The following CEP350 variants were observed in gnomAD, a reference collection of about 807,000 sequenced individuals.
CEP350 encodes the protein centrosomal protein 350, also known as centrosome-associated protein 350.
In CEP350, 126 loss-of-function variants were observed where a neutral mutation model predicts 331.8. That is an observed-to-expected ratio of 0.38 (90% CI 0.33 to 0.44). The LOEUF is 0.44. CEP350 is among the 20% of genes least tolerant of loss of function. The probability of loss-of-function intolerance (pLI) is 1.00; values close to 1 mark genes in which losing one functional copy is unlikely to be tolerated. For synonymous variants in CEP350, 1,200 were observed against 1,259.5 expected (o/e 0.95, Z 1.00); for missense variants, 3,406 against 3,634.6 (o/e 0.94, Z 1.62).
intron 32 of CEP350, among the ~76,000 whole-genome samples, 166 bp from the exon 33 acceptor site, chr1:180,090,545 CAAA>C (rs36128628): frequency 1.3e-5 from 1 of 77,378 alleles, no homozygotes; most frequent in African/African-American, 5.5e-5. Flanking sequence ...GACTCCGTCT[CAAA>C]AAAAAAAAAA....
chr1:180,076,778 G>A (rs530465641), intron 28 of CEP350, among the ~76,000 whole-genome samples: 1 of 152,164 alleles, frequency 6.6e-6, no homozygotes, highest in East Asian at 1.9e-4. Context: ...GACAGAGTGA[G>A]ACTCTGTCTC....
At chr1:179,993,002 C>T (rs994747060) in intron 5 of CEP350, among the ~76,000 whole-genome samples, 1 of 150,714 alleles carries the variant, frequency 6.6e-6, no homozygotes, top group African/African-American at 2.4e-5. Context: ...TTTTACATAC[C>T]TTGAGAGATG....
intron 16 of CEP350, among the ~76,000 whole-genome samples, 171 bp downstream of exon 16, chr1:180,034,253 G>A (rs1004971451): frequency 6.6e-6 from 1 of 152,094 alleles, no homozygotes; most frequent in Non-Finnish European, 1.5e-5. Flanking sequence ...AAGCACGAGA[G>A]GTTCAGTAAT....
intron 1 of CEP350, among the ~76,000 whole-genome samples, chr1:179,959,323 G>T (rs757857608): frequency 6.6e-6 from 1 of 152,190 alleles, no homozygotes; most frequent in Non-Finnish European, 1.5e-5. Flanking sequence ...AGGCGTGGTG[G>T]CAGGCCTGTA....
At chr1:180,053,280 A>G (rs954643693) in intron 23 of CEP350, 114 bp downstream of exon 23, 11 of 533,878 alleles carry the variant, frequency 2.1e-5, no homozygotes, top group African/African-American at 1.6e-4. Context: ...TTTTTCTAAG[A>G]TATCAGTTTT....
At chr1:180,005,854 A>G (rs1486249614) in intron 7 of CEP350, among the ~76,000 whole-genome samples, 2 of 152,036 alleles carry the variant, frequency 1.3e-5, no homozygotes, top group Non-Finnish European at 2.9e-5. Context: ...TTTCCACTCT[A>G]CCCAGAATGC....
At chr1:180,025,126 A>G (rs1055840513) in intron 14 of CEP350, among the ~76,000 whole-genome samples, 3 of 152,056 alleles carry the variant, frequency 2.0e-5, no homozygotes, top group East Asian at 3.9e-4. Flanking sequence ...GGGTTTCACC[A>G]TGTTAGCCAG....
At position 180,045,996 on chromosome 1, in the gene CEP350, A is replaced by G. The variant is rs560173894; in HGVS notation, c.4622+1823A>G. Among the ~76,000 whole-genome samples the G allele has an allele frequency of 1.6e-4, 24 of 152,188 alleles. No homozygotes were observed. In the South Asian group the frequency reaches 5.0e-3, roughly 32 times the overall value. On this transcript the variant is annotated intron_variant, in intron 21 of 37. Coordinates refer to ENST00000367607, the MANE Select transcript of CEP350 (RefSeq NM_014810.5). ...TGCATATGATATACCTTCTTTCTAG[A>G]CCATCCCACATCTCATTTCATTTAG...
chr1:180,020,768 A>C lies in CEP350; in HGVS notation c.2994A>C (p.Gly998=). 1 of 1,614,036 alleles carries C rather than the reference A, an allele frequency of 6.2e-7. No homozygotes were observed. The highest frequency in any genetic ancestry group is 1.1e-5 in the South Asian group (1 of 91,084). ...AGGGGAGTCTCTCTGAAGAAGAGGG[A>C]GACCAGGATGGACAGCCCCTTTTGA... is the stretch of plus-strand genomic sequence containing the variant. ...LSEGSLSEEE[G]DQDGQPLLKV... is the part of the protein sequence containing the mutation. The change falls in exon 12 of 38, where the codon GGA becomes GGC. Residue 998 remains glycine (G), a synonymous_variant. Transcript: ENST00000367607.
At chr1:180,042,562 A>G (rs1460549392) in intron 19 of CEP350, among the ~76,000 whole-genome samples, 4 of 152,228 alleles carry the variant, frequency 2.6e-5, no homozygotes, top group African/African-American at 7.2e-5. Flanking sequence ...ATTAAAATGT[A>G]GACAACATCA....
At chr1:180,048,031 C>T (rs1047626656) in intron 21 of CEP350, among the ~76,000 whole-genome samples, 1 of 152,140 alleles carries the variant, frequency 6.6e-6, no homozygotes. Flanking sequence ...CATTTTACTA[C>T]ATTTTATTTA....
chr1:179,981,364 G>T (rs575402960), intron 1 of CEP350, among the ~76,000 whole-genome samples: 9 of 152,086 alleles, frequency 5.9e-5, no homozygotes, highest in Non-Finnish European at 1.3e-4. Context: ...TCATTATTCC[G>T]CAAGAAGTGA....
chr1:180,037,646 G>GTTTA (rs199989799), intron 17 of CEP350, among the ~76,000 whole-genome samples: 1,651 of 151,952 alleles, frequency 0.011, 29 homozygotes, highest in African/African-American at 0.038. Flanking sequence ...ATTTTGATGA[G>GTTTA]TTTATTTATT....
At chr1:180,088,459 A>G (rs1558151100) in intron 32 of CEP350, among the ~76,000 whole-genome samples, 2 of 151,792 alleles carry the variant, frequency 1.3e-5, no homozygotes, top group Non-Finnish European at 2.9e-5. Flanking sequence ...ATAGAAGCTG[A>G]ACATAATAGG....
intron 28 of CEP350, among the ~76,000 whole-genome samples, chr1:180,078,036 G>A (rs1006992002): frequency 6.6e-6 from 1 of 152,002 alleles, no homozygotes; most frequent in African/African-American, 2.4e-5. Context: ...GGGAGGCTGA[G>A]GCAACAGAAT....
At position 179,978,223 on chromosome 1, in the gene CEP350, A is replaced by G. The variant is rs1236512653; in HGVS notation, c.-13-7946A>G. 2.0e-5 allele frequency among the ~76,000 whole-genome samples: 3 copies of G among 152,124 alleles called. No individual in the cohort carries two copies. The East Asian group carries it at 5.8e-4, about 29-fold the overall frequency. On this transcript the variant is annotated intron_variant, in intron 1 of 37. Coordinates refer to ENST00000367607, the MANE Select transcript of CEP350 (RefSeq NM_014810.5). ...TGTTGTGACAAGCTTATTACTATATAACAGAATGCTTAACTTTATCTTTTA... is the reference window on the plus strand; with the variant it reads ...TGTTGTGACAAGCTTATTACTATATGACAGAATGCTTAACTTTATCTTTTA...
At chr1:180,015,115 G>A (rs1654887067) in intron 10 of CEP350, among the ~76,000 whole-genome samples, 1 of 152,058 alleles carries the variant, frequency 6.6e-6, no homozygotes, top group African/African-American at 2.4e-5. Context: ...AGGAGGAAGA[G>A]GAAGAGTTGG....
intron 25 of CEP350, among the ~76,000 whole-genome samples, chr1:180,059,736 G>A (rs1402155227): frequency 6.6e-6 from 1 of 151,608 alleles, no homozygotes; most frequent in Non-Finnish European, 1.5e-5. Flanking sequence ...AACAAAGAAA[G>A]TATCCCTGTC....
chr1:180,077,964 C>T (rs1558144802), intron 28 of CEP350, among the ~76,000 whole-genome samples: 1 of 152,034 alleles, frequency 6.6e-6, no homozygotes, highest in Non-Finnish European at 1.5e-5. Flanking sequence ...GAAACCCCAT[C>T]TCTACTAAAA....
Sources: allele counts gnomAD v4.1 joint callset (sites outside exome capture counted in the v4.1 genomes callset), GRCh38; gene constraint gnomAD v4.1.1; transcripts MANE v1.5; gene names NCBI Gene and HGNC (gene_info 2026-07-23, HGNC 2026-07-21).